The following WDR11 variants were observed in gnomAD, a reference collection of about 807,000 sequenced individuals.
WDR11 encodes WD repeat-containing protein 11.
In WDR11, 83 loss-of-function variants were observed where a neutral mutation model predicts 151.2. The ratio of observed to expected loss-of-function variants is 0.55; its 90% CI spans 0.46 to 0.66. The LOEUF is 0.66. Among genes scored for constraint, WDR11 ranks in the 30% least tolerant of loss-of-function variants. WDR11 has a pLI of 0.00. For synonymous variants in WDR11, 484 were observed against 533.1 expected, an observed-to-expected ratio of 0.91 and a Z score of 1.27; for missense variants, 1,301 against 1,480.9, an observed-to-expected ratio of 0.88 and a Z score of 1.99.
chr10:120,906,228 C>T, intron 27 of WDR11: 5 of 1,447,540 alleles, frequency 3.5e-6, no homozygotes, highest in Non-Finnish European at 4.5e-6. Context: ...TAGTTTCCTA[C>T]TAATATGCTG....
chr10:120,899,791 AAT>A, intron 19 of WDR11: 1 of 549,040 alleles, frequency 1.8e-6, no homozygotes, highest in East Asian at 3.1e-5. Context: ...TCAAAAAAAA[AAT>A]AAAATAAAAA....
chr10:120,908,919 C>A lies in WDR11; in HGVS notation c.*206C>A, dbSNP rs41287988. On this transcript the variant is annotated 3_prime_UTR_variant, in exon 29 of 29. Coordinates refer to ENST00000263461, the MANE Select transcript of WDR11 (RefSeq NM_018117.12). ...TATCCTGCGTTGGTCTCAGAAAGAACGTGAATGCTTAAGATTTTGAAAGTA... is the reference window on the plus strand; with the variant it reads ...TATCCTGCGTTGGTCTCAGAAAGAAAGTGAATGCTTAAGATTTTGAAAGTA... 1 of 600,790 alleles carries A rather than the reference C, an allele frequency of 1.7e-6. No individual in the cohort carries two copies. 37.2% of individuals were successfully genotyped at this position (600,790 alleles called of 1,614,324 possible).
At chr10:120,863,881 C>T (rs1846221907) in intron 5 of WDR11, among the ~76,000 whole-genome samples, 1 of 152,052 alleles carries the variant, frequency 6.6e-6, no homozygotes, top group African/African-American at 2.4e-5. Flanking sequence ...TTATCTCTCA[C>T]CCTGTGCCAA....
intron 11 of WDR11, among the ~76,000 whole-genome samples, chr10:120,875,823 A>G (rs1846754140): frequency 6.8e-6 from 1 of 146,038 alleles, no homozygotes; most frequent in African/African-American, 2.6e-5. Flanking sequence ...GTTTTTTTTT[A>G]TGATCTTTCA....
rs1477993728 is a variant in WDR11 at position 120,852,463 on chromosome 10, G to T, written c.87-61G>T. On this transcript the variant is annotated intron_variant, in intron 1 of 28. Coordinates refer to ENST00000263461, the MANE Select transcript of WDR11 (RefSeq NM_018117.12). ...TAGACTTATCATTTATTTAGGCTTG[G>T]CAAGAAAGAAGTCGTCCTGCTTTGT... is the stretch of plus-strand genomic sequence containing the variant. The T allele has an allele frequency of 2.1e-6, 3 of 1,402,842 alleles. No individual in the cohort carries two copies. The African/African-American group carries it at 4.2e-5, about 20-fold the overall frequency. 86.9% of individuals were successfully genotyped at this position (1,402,842 alleles called of 1,614,324 possible).
chr10:120,860,407 A>T (rs1219267471), intron 4 of WDR11, 125 bp downstream of exon 4: 2 of 1,112,044 alleles, frequency 1.8e-6, no homozygotes, highest in African/African-American at 1.5e-5. Flanking sequence ...CGAAGTGGAG[A>T]AGCATGTCTA....
In WDR11 at chr10:120,864,899, G is replaced by A. The variant is rs1413596038; in HGVS notation, c.714-148G>A. On this transcript the variant is annotated intron_variant, in intron 5 of 28. Coordinates refer to ENST00000263461, the MANE Select transcript of WDR11 (RefSeq NM_018117.12). ...ATTTTGGTACATAGTAGAGATCTAA[G>A]TTTTGGATGCCAACCCATGTTGGTC... 4.4e-5 allele frequency: 36 copies of A among 822,710 alleles called. No individual in the cohort carries two copies. The South Asian group carries it at 5.9e-4, about 14-fold the overall frequency. The allele number at this position is 822,710 out of a possible 1,614,324, so 51.0% of individuals were successfully genotyped here.
rs150630318 is a variant in WDR11, at chr10:120,866,712, G to T, written c.1138G>T (p.Val380Phe). 52 of 1,614,040 alleles carry T rather than the reference G, an allele frequency of 3.2e-5. No homozygotes were observed. The highest frequency in any genetic ancestry group is 5.5e-5 in the South Asian group (5 of 91,088). Residue 380 changes from valine to phenylalanine, a missense_variant, in exon 8 of 29, where the codon GTC becomes TTC. Val to Phe is a conservative substitution (Grantham distance 50). Transcript: ENST00000263461. ...CGCCCTCGTAGTGAGTGATGGCAGG[G>T]TCATGATATGGGAACTCAAGTCTGC... Reference protein sequence around the residue: ...AAALVVSDGRVMIWELKSAVC... With the variant: ...AAALVVSDGRFMIWELKSAVC...
chr10:120,902,149 A>G (rs2133811405), intron 21 of WDR11, 108 bp from the exon 22 acceptor site: 2 of 914,428 alleles, frequency 2.2e-6, no homozygotes, highest in Middle Eastern at 2.2e-4. Context: ...AATTCTAAAC[A>G]TGTTATTTGA....
chr10:120,879,393 G>A (rs867730344), intron 12 of WDR11: 2 of 152,070 alleles, frequency 1.3e-5, no homozygotes, highest in Non-Finnish European at 2.9e-5. Flanking sequence ...GAAGTGACCT[G>A]TCCACTGACT....
chr10:120,852,172 G>A, intron 1 of WDR11: 1 of 305,450 alleles, frequency 3.3e-6, no homozygotes, highest in Non-Finnish European at 6.3e-6. Context: ...AGGATTAGTC[G>A]CAGTATCCCC....
chr10:120,885,330 T>C (rs538332110), intron 14 of WDR11, among the ~76,000 whole-genome samples: 17 of 151,922 alleles, frequency 1.1e-4, no homozygotes, highest in African/African-American at 4.1e-4. Flanking sequence ...CAATACTATT[T>C]AGGTAAATTA....
chr10:120,891,228 G>T (rs1847419817), intron 19 of WDR11, among the ~76,000 whole-genome samples: 1 of 152,142 alleles, frequency 6.6e-6, no homozygotes, highest in African/African-American at 2.4e-5. Flanking sequence ...CTAGTGATAA[G>T]GCTGCTGGCT....
At chr10:120,898,978 C>T (rs976916416) in intron 19 of WDR11, among the ~76,000 whole-genome samples, 29 of 152,164 alleles carry the variant, frequency 1.9e-4, no homozygotes, top group African/African-American at 6.5e-4. Flanking sequence ...CTTCAGGATT[C>T]TGGAGGGGAG....
At chr10:120,870,023 C>T (rs765114424) in intron 9 of WDR11, among the ~76,000 whole-genome samples, 20 of 152,194 alleles carry the variant, frequency 1.3e-4, no homozygotes, top group Middle Eastern at 3.4e-3. Context: ...CTTCTGACCT[C>T]GTGATCCGGT....
rs577013727 is a variant in WDR11 at position 120,880,747 on chromosome 10, A to G, written c.1664-79A>G. 2.4e-6 allele frequency: 3 copies of G among 1,247,148 alleles called. No individual in the cohort carries two copies. In the African/African-American group the frequency reaches 4.5e-5, roughly 19 times the overall value. The allele number at this position is 1,247,148 out of a possible 1,614,324, so 77.3% of individuals were successfully genotyped here. ...AGGGTAGGATGGGTAGGACTGATCAAATTACATTGGCGTGGCTTCTTGTTT... is the reference window on the plus strand; with the variant it reads ...AGGGTAGGATGGGTAGGACTGATCAGATTACATTGGCGTGGCTTCTTGTTT... On this transcript the variant is annotated intron_variant, in intron 12 of 28. Coordinates refer to ENST00000263461, the MANE Select transcript of WDR11 (RefSeq NM_018117.12).
intron 10 of WDR11, among the ~76,000 whole-genome samples, chr10:120,871,703 T>C (rs989651688): frequency 2.8e-4 from 42 of 152,184 alleles, no homozygotes; most frequent in Non-Finnish European, 6.0e-4. Context: ...TCAGTTTTCG[T>C]TGGGTCTTTA....
At chr10:120,883,150 C>T (rs368785767) in intron 13 of WDR11, among the ~76,000 whole-genome samples, 4 of 152,200 alleles carry the variant, frequency 2.6e-5, no homozygotes, top group African/African-American at 9.6e-5. Context: ...ACACATGGTC[C>T]TGAGTGGAAG....
At chr10:120,893,621 A>G (rs901526405) in intron 19 of WDR11, among the ~76,000 whole-genome samples, 2 of 151,482 alleles carry the variant, frequency 1.3e-5, no homozygotes, top group African/African-American at 4.8e-5. Context: ...ACTAGTTTAC[A>G]GTCCCACCAA....
Sources: allele counts gnomAD v4.1 joint callset (sites outside exome capture counted in the v4.1 genomes callset), GRCh38; gene constraint gnomAD v4.1.1; transcripts MANE v1.5; gene names NCBI Gene and HGNC (gene_info 2026-07-23, HGNC 2026-07-21).